The following PTPRG variants were observed in gnomAD, a reference collection of about 807,000 sequenced individuals.
PTPRG encodes protein tyrosine phosphatase receptor type G, also known as receptor-type tyrosine-protein phosphatase gamma.
Under a neutral mutation model 165.3 loss-of-function variants are expected in PTPRG, and 102 were observed. The ratio of observed to expected loss-of-function variants is 0.62; its 90% CI spans 0.53 to 0.73. The LOEUF is 0.73. Ranked by LOEUF, PTPRG falls within the 30% of genes least tolerant of loss-of-function variation. PTPRG has a pLI of 0.00. For missense variants in PTPRG, 1,866 were observed against 1,861.4 expected (o/e 1.00, Z -0.05); for synonymous variants, 675 against 669.5 (o/e 1.01, Z -0.13).
At chr3:62,120,297 G>C (rs1411130137) in intron 5 of PTPRG, among the ~76,000 whole-genome samples, 1 of 91,178 alleles carries the variant, frequency 1.1e-5, no homozygotes, top group African/African-American at 3.3e-5. Context: ...CTGCAGAGAA[G>C]TGGTGGTCAT....
chr3:62,287,272 CTTTT>C (rs543574372), intron 28 of PTPRG, among the ~76,000 whole-genome samples: 4 of 151,836 alleles, frequency 2.6e-5, no homozygotes, highest in Non-Finnish European at 5.9e-5. Flanking sequence ...GTACAAATGA[CTTTT>C]TTTTAATACC....
chr3:62,037,870 G>A (rs1250097396), intron 4 of PTPRG, among the ~76,000 whole-genome samples: 1 of 152,120 alleles, frequency 6.6e-6, no homozygotes, highest in Non-Finnish European at 1.5e-5. Flanking sequence ...CATCATGAGG[G>A]CCCCACTGTC....
rs761066176 is a variant in PTPRG at position 62,282,735 on chromosome 3, T to C, written c.3921T>C (p.Tyr1307=). Reference sequence around the variant, plus strand: ...TGTTGTATTGGTTACAGGATGACTATGTCTTAGAAGTTCGGCACTTTCAGT... The same window carrying C: ...TGTTGTATTGGTTACAGGATGACTACGTCTTAGAAGTTCGGCACTTTCAGT... ...DFILEATQDD[Y]VLEVRHFQCP... is the part of the protein sequence containing the mutation. The change falls in exon 28 of 30, where the codon TAT becomes TAC. Residue 1307 remains tyrosine (Y), a synonymous_variant. Coordinates refer to ENST00000474889, the MANE Select transcript of PTPRG (RefSeq NM_002841.4). 1.2e-6 allele frequency: 2 copies of C among 1,610,996 alleles called. No individual in the cohort carries two copies. The highest frequency in any genetic ancestry group is 1.7e-5 in the Admixed American group (1 of 59,434).
chr3:62,122,314 T>C (rs572979536), intron 5 of PTPRG, among the ~76,000 whole-genome samples: 1 of 152,308 alleles, frequency 6.6e-6, no homozygotes, highest in Admixed American at 6.5e-5. Context: ...GTTTCTCTTG[T>C]AGTATCAGGC....
At chr3:61,691,740 G>A (rs2030226147) in intron 1 of PTPRG, among the ~76,000 whole-genome samples, 1 of 152,026 alleles carries the variant, frequency 6.6e-6, no homozygotes, top group African/African-American at 2.4e-5. Flanking sequence ...GCTTTCCCTG[G>A]GGCCACCATT....
chr3:62,193,809 A>C (rs535319825), intron 9 of PTPRG, among the ~76,000 whole-genome samples: 1 of 152,194 alleles, frequency 6.6e-6, no homozygotes, highest in Non-Finnish European at 1.5e-5. Context: ...CCCACTCCCA[A>C]TCGGTGGCTA....
chr3:61,687,449 A>G (rs909858361), intron 1 of PTPRG, among the ~76,000 whole-genome samples: 4 of 152,214 alleles, frequency 2.6e-5, no homozygotes, highest in Admixed American at 6.5e-5. Context: ...AAGGCCGTAA[A>G]TGGACTTTGG....
At chr3:61,729,691 T>G (rs1157911944) in intron 1 of PTPRG, among the ~76,000 whole-genome samples, 2 of 152,208 alleles carry the variant, frequency 1.3e-5, no homozygotes, top group African/African-American at 4.8e-5. Flanking sequence ...ACCATGCATT[T>G]AAAACATGAG....
intron 1 of PTPRG, among the ~76,000 whole-genome samples, chr3:61,639,311 C>T (rs1471520225): frequency 1.3e-5 from 2 of 152,148 alleles, no homozygotes; most frequent in Non-Finnish European, 2.9e-5. Flanking sequence ...GTCACTGTAG[C>T]CTTATAGCAT....
chr3:61,826,562 C>G (rs544518375), intron 2 of PTPRG, among the ~76,000 whole-genome samples: 44 of 151,818 alleles, frequency 2.9e-4, no homozygotes, highest in Non-Finnish European at 3.8e-4. Context: ...TTCCCCTCTT[C>G]CCTACTTTTG....
At position 61,779,839 on chromosome 3, in the gene PTPRG, A is replaced by G. The variant is rs527566874; in HGVS notation, c.190+30857A>G. On this transcript the variant is annotated intron_variant, in intron 2 of 29. Transcript: ENST00000474889. ...TTGCAACTCTTTCCCCAAGGGCTCT[A>G]TGGGGCCACAGATGACATGTTGCCA... 8.5e-5 allele frequency among the ~76,000 whole-genome samples: 13 copies of G among 152,132 alleles called. No individual in the cohort carries two copies. In the South Asian group the frequency reaches 1.0e-3, roughly 12 times the overall value.
chr3:62,034,175 T>C (rs1225844011), intron 4 of PTPRG, among the ~76,000 whole-genome samples: 2 of 152,208 alleles, frequency 1.3e-5, no homozygotes, highest in Non-Finnish European at 2.9e-5. Context: ...AAGTCAGCCC[T>C]GTGGAACCCA....
chr3:62,075,200 A>G (rs538966825), intron 4 of PTPRG, among the ~76,000 whole-genome samples: 31 of 152,304 alleles, frequency 2.0e-4, no homozygotes, highest in Admixed American at 1.6e-3. Flanking sequence ...AGTATTTTGT[A>G]TCACACGCTA....
chr3:61,888,873 C>T (rs980150859), intron 2 of PTPRG, among the ~76,000 whole-genome samples: 9 of 152,154 alleles, frequency 5.9e-5, no homozygotes, highest in Middle Eastern at 6.3e-3. Flanking sequence ...ATGAAATTGA[C>T]ATTTTGAAGA....
chr3:61,752,920 T>A (rs2033501415), intron 2 of PTPRG, among the ~76,000 whole-genome samples: 2 of 152,202 alleles, frequency 1.3e-5, no homozygotes, highest in Admixed American at 1.3e-4. Flanking sequence ...CTACTTTATT[T>A]CCACTTCACT....
chr3:61,602,020 A>G (rs1283655417), intron 1 of PTPRG, among the ~76,000 whole-genome samples: 2 of 152,184 alleles, frequency 1.3e-5, no homozygotes, highest in African/African-American at 2.4e-5. Flanking sequence ...GGATGAAGTG[A>G]TTAGGAAACA....
At chr3:62,192,699 C>T (rs902792022) in intron 9 of PTPRG, among the ~76,000 whole-genome samples, 1 of 152,126 alleles carries the variant, frequency 6.6e-6, no homozygotes, top group African/African-American at 2.4e-5. Context: ...GCGTGAGCCA[C>T]TGCGCCCAGC....
At chr3:62,119,787 ATTTTTTT>A (rs34842750) in intron 5 of PTPRG, among the ~76,000 whole-genome samples, 247 of 111,726 alleles carry the variant, frequency 2.2e-3, no homozygotes, top group African/African-American at 7.3e-3. Context: ...CGCCTGGCTA[ATTTTTTT>A]TTTTTTTTTT....
At chr3:62,258,628 T>C (rs959342101) in intron 16 of PTPRG, among the ~76,000 whole-genome samples, 16 of 152,224 alleles carry the variant, frequency 1.1e-4, no homozygotes, top group African/African-American at 3.9e-4. Flanking sequence ...AACAATTCAC[T>C]GGTACCTTTG....
Sources: gnomAD v4.1 joint callset for allele counts (sites outside exome capture counted in the v4.1 genomes callset) on GRCh38, gnomAD v4.1.1 for gene constraint, MANE v1.5 for transcripts, NCBI Gene and HGNC (gene_info 2026-07-23, HGNC 2026-07-21) for gene names.